Variants in GPHN observed in about 807,000 individuals in gnomAD.
GPHN encodes the protein gephyrin.
A neutral mutation model predicts 95.5 loss-of-function variants in GPHN; 17 were observed. That is an observed-to-expected ratio of 0.18 (90% CI 0.12 to 0.27). The LOEUF is 0.27. Ranked by LOEUF, GPHN falls within the 10% of genes least tolerant of loss-of-function variation. The pLI is 1.00. For missense variants in GPHN, 660 were observed against 978.1 expected (o/e 0.67, Z 4.34); for synonymous variants, 320 against 322.5 (o/e 0.99, Z 0.08).
chr14:67,601,112 T>C, the GPHN span, among the ~76,000 whole-genome samples: 1 of 152,304 alleles, frequency 6.6e-6, no homozygotes, highest in East Asian at 1.9e-4. Flanking sequence ...GGCAATACTA[T>C]GCTGACTGGC....
the GPHN span, chr14:67,569,600 A>G: frequency 4.5e-6 from 2 of 446,046 alleles, no homozygotes; most frequent in Non-Finnish European, 8.2e-6. Context: ...AATCTCCACA[A>G]CGAGGGCTGT....
At chr14:67,136,430 C>T (rs2080082632) in intron 17 of GPHN, among the ~76,000 whole-genome samples, 1 of 152,122 alleles carries the variant, frequency 6.6e-6, no homozygotes, top group African/African-American at 2.4e-5. Flanking sequence ...ACTTTCCCAG[C>T]CTTTAAAGGA....
At chr14:66,957,057 A>G (rs552222928) in intron 8 of GPHN, among the ~76,000 whole-genome samples, 131 of 151,476 alleles carry the variant, frequency 8.6e-4, no homozygotes, top group African/African-American at 3.1e-3. Flanking sequence ...TGGCACATGT[A>G]TACATATGTA....
the GPHN span, among the ~76,000 whole-genome samples, chr14:67,275,102 A>G: frequency 3.3e-5 from 5 of 152,220 alleles, no homozygotes; most frequent in East Asian, 9.7e-4. Context: ...CTAATTGAAT[A>G]CCCTTTATTT....
intron 9 of GPHN, among the ~76,000 whole-genome samples, chr14:66,978,404 A>C (rs2070408249): frequency 6.6e-6 from 1 of 152,218 alleles, no homozygotes; most frequent in Non-Finnish European, 1.5e-5. Flanking sequence ...CTGCTGCTTA[A>C]TCAAGTTTAT....
At chr14:66,860,721 A>G (rs893262588) in intron 4 of GPHN, among the ~76,000 whole-genome samples, 5 of 152,060 alleles carry the variant, frequency 3.3e-5, no homozygotes, top group Non-Finnish European at 7.4e-5. Flanking sequence ...AGACACAACA[A>G]AAAGTTAAAA....
the GPHN span, chr14:67,615,732 G>A: frequency 1.2e-5 from 6 of 480,736 alleles, no homozygotes; most frequent in Non-Finnish European, 2.4e-5. Flanking sequence ...CTCCTAAAGG[G>A]GAGACAAAAA....
At chr14:66,738,322 A>G (rs2072476774) in intron 2 of GPHN, among the ~76,000 whole-genome samples, 1 of 152,186 alleles carries the variant, frequency 6.6e-6, no homozygotes, top group African/African-American at 2.4e-5. Flanking sequence ...AAATAGTTAC[A>G]TAAGAACAGT....
At chr14:67,701,549 G>A in the GPHN span, among the ~76,000 whole-genome samples, 84 of 147,536 alleles carry the variant, frequency 5.7e-4, no homozygotes, top group East Asian at 0.013. Context: ...TCAGCCTCCC[G>A]AGTAGCTGGG....
downstream of GPHN, among the ~76,000 whole-genome samples, chr14:67,185,151 C>T (rs1175459074): frequency 3.9e-5 from 6 of 152,090 alleles, no homozygotes; most frequent in Non-Finnish European, 8.8e-5. Flanking sequence ...AAAAGAAAGA[C>T]ACAAAATAGT....
chr14:67,228,858 CAG>C, the GPHN span, among the ~76,000 whole-genome samples: 1 of 152,084 alleles, frequency 6.6e-6, no homozygotes, highest in African/African-American at 2.4e-5. Context: ...TGCTGAGAGA[CAG>C]TATTTATTGA....
chr14:67,186,694 C>T (rs903198084), downstream of GPHN, among the ~76,000 whole-genome samples: 1 of 152,208 alleles, frequency 6.6e-6, no homozygotes, highest in Admixed American at 6.5e-5. Context: ...CCAGGTGACA[C>T]TGACAGAAAC....
intron 1 of GPHN, among the ~76,000 whole-genome samples, chr14:66,641,502 T>C (rs944563403): frequency 3.3e-5 from 5 of 152,150 alleles, no homozygotes. Context: ...AAGTTTTCAC[T>C]ATCCTAAATC....
the GPHN span, among the ~76,000 whole-genome samples, chr14:67,625,481 C>T: frequency 0.016 from 2,423 of 151,712 alleles, 75 homozygotes; most frequent in African/African-American, 0.055. Flanking sequence ...GAGTTCGAGA[C>T]CAGCCTCAAC....
the GPHN span, among the ~76,000 whole-genome samples, chr14:67,399,646 T>G: frequency 4.8e-4 from 65 of 136,046 alleles, no homozygotes; most frequent in African/African-American, 1.9e-3. Flanking sequence ...GTTTAGGTGG[T>G]TCTCAGGTGG....
intron 18 of GPHN, among the ~76,000 whole-genome samples, chr14:67,154,744 A>G (rs1240455144): frequency 6.6e-6 from 1 of 152,208 alleles, no homozygotes; most frequent in African/African-American, 2.4e-5. Context: ...ATTTAGTGCT[A>G]TAGGAGCATA....
chr14:66,737,197 C>T (rs922382297), intron 2 of GPHN, among the ~76,000 whole-genome samples: 1 of 151,940 alleles, frequency 6.6e-6, no homozygotes, highest in African/African-American at 2.4e-5. Context: ...TGGTAGTATC[C>T]CCTTTCCCTT....
At chr14:67,352,354 A>T in the GPHN span, among the ~76,000 whole-genome samples, 1 of 151,540 alleles carries the variant, frequency 6.6e-6, no homozygotes, top group Admixed American at 6.6e-5. Context: ...ACCTGTAGTC[A>T]CAGCTACTCG....
At chr14:67,468,592 A>C in the GPHN span, among the ~76,000 whole-genome samples, 2 of 152,102 alleles carry the variant, frequency 1.3e-5, no homozygotes, top group African/African-American at 4.8e-5. Flanking sequence ...GAGGTGAGGA[A>C]GGAAAGTGTC....
Sources: allele counts gnomAD v4.1 joint callset (sites outside exome capture counted in the v4.1 genomes callset), GRCh38; gene constraint gnomAD v4.1.1; transcripts MANE v1.5; gene names NCBI Gene and HGNC (gene_info 2026-07-23, HGNC 2026-07-21).